Variants in TRIM24 observed in about 807,000 individuals in gnomAD.
The protein encoded by TRIM24 is transcription intermediary factor 1-alpha.
A neutral mutation model predicts 123.9 loss-of-function variants in TRIM24; 29 were observed. The ratio of observed to expected loss-of-function variants is 0.23; its 90% CI spans 0.17 to 0.32. The LOEUF is 0.32. TRIM24 is among the 10% of genes least tolerant of loss of function. The pLI, the probability that TRIM24 is intolerant of heterozygous loss-of-function variation, is 1.00. For missense variants in TRIM24, 932 were observed against 1,295.3 expected (o/e 0.72, Z 4.31); for synonymous variants, 456 against 461.1 (o/e 0.99, Z 0.14).
chr7:138,542,504 G>C (rs1051867992), intron 7 of TRIM24, among the ~76,000 whole-genome samples: 3 of 152,092 alleles, frequency 2.0e-5, no homozygotes, highest in African/African-American at 7.3e-5. Context: ...CACTATAACA[G>C]ATTATTGTTA....
At chr7:138,560,916 C>G (rs974612652) in intron 9 of TRIM24, among the ~76,000 whole-genome samples, 10 of 152,182 alleles carry the variant, frequency 6.6e-5, no homozygotes, top group Non-Finnish European at 1.0e-4. Flanking sequence ...TTTCCTTTGG[C>G]CTCTAGTGTT....
intron 10 of TRIM24, among the ~76,000 whole-genome samples, chr7:138,568,260 C>T (rs1362970517): frequency 4.0e-5 from 6 of 151,776 alleles, no homozygotes; most frequent in Non-Finnish European, 7.4e-5. Context: ...GCTGAGACTA[C>T]AGGTACTCGC....
intron 2 of TRIM24, among the ~76,000 whole-genome samples, chr7:138,504,823 C>T (rs1307687356): frequency 2.7e-5 from 4 of 147,682 alleles, no homozygotes; most frequent in South Asian, 2.2e-4. Flanking sequence ...TACAGTGGTG[C>T]GATCTTGGCT....
rs556916321 is a variant in TRIM24, at chr7:138,580,611, G to C, written c.2635G>C (p.Glu879Gln). 8 of 1,613,660 alleles carry C rather than the reference G, an allele frequency of 5.0e-6. No homozygotes were observed. In the African/African-American group the frequency reaches 1.1e-4, roughly 22 times the overall value. The change falls in exon 16 of 19, where the codon GAA becomes CAA. Residue 879 changes from glutamate to glutamine, a missense_variant. Coordinates refer to ENST00000343526, the MANE Select transcript of TRIM24 (RefSeq NM_015905.3). ...FCRDLSKPEVEYDCDAPSHNS... is the reference protein window; with the variant it reads ...FCRDLSKPEVQYDCDAPSHNS... ...CCGAGACTTATCTAAACCAGAAGTT[G>C]AATATGATTGTGATGCTCCCAGTCA...
At chr7:138,533,122 A>G (rs1295625559) in intron 6 of TRIM24, among the ~76,000 whole-genome samples, 4 of 152,188 alleles carry the variant, frequency 2.6e-5, no homozygotes, top group African/African-American at 7.2e-5. Context: ...GACTGAGACA[A>G]TGGGGTTTTC....
chr7:138,578,553 TGTGTGTGTGTGCGC>T (rs564534884), intron 14 of TRIM24, among the ~76,000 whole-genome samples: 5,382 of 141,114 alleles, frequency 0.038, 138 homozygotes, highest in Middle Eastern at 0.079. Flanking sequence ...TGTGTGTGTG[TGTGTGTGTGTGCGC>T]GCACGCACGA....
intron 2 of TRIM24, among the ~76,000 whole-genome samples, chr7:138,508,464 G>T (rs1796195878): frequency 6.6e-6 from 1 of 152,046 alleles, no homozygotes; most frequent in African/African-American, 2.4e-5. Context: ...GAAAAATAGT[G>T]ACATTTTTAT....
intron 6 of TRIM24, among the ~76,000 whole-genome samples, chr7:138,532,674 T>C (rs1297232318): frequency 1.3e-5 from 2 of 152,208 alleles, no homozygotes; most frequent in Non-Finnish European, 2.9e-5. Context: ...TCTTTTGACT[T>C]AGGATTGTCT....
At chr7:138,538,969 T>C (rs1169524987) in intron 7 of TRIM24, among the ~76,000 whole-genome samples, 166 bp downstream of exon 7, 2 of 152,216 alleles carry the variant, frequency 1.3e-5, no homozygotes, top group Non-Finnish European at 2.9e-5. Context: ...ATAATTTGGG[T>C]GTAATTTCAG....
At chr7:138,559,649 T>A (rs1399826331) in intron 9 of TRIM24, among the ~76,000 whole-genome samples, 1 of 152,114 alleles carries the variant, frequency 6.6e-6, no homozygotes, top group Non-Finnish European at 1.5e-5. Flanking sequence ...GCTGTTGACT[T>A]CACTGGCAAC....
intron 6 of TRIM24, among the ~76,000 whole-genome samples, chr7:138,531,210 C>G (rs13438568): frequency 6.9e-6 from 1 of 145,362 alleles, no homozygotes; most frequent in African/African-American, 2.6e-5. Context: ...TACATGTATA[C>G]GTGTATGTTA....
intron 2 of TRIM24, among the ~76,000 whole-genome samples, chr7:138,508,700 C>CGTGTGTGCGTGT (rs1554436661): frequency 8.7e-4 from 31 of 35,566 alleles, no homozygotes; most frequent in Middle Eastern, 0.014. Context: ...TGTGCGCGCG[C>CGTGTGTGCGTGT]GTGTGTGCGT....
At chr7:138,513,116 C>T (rs574826253) in intron 2 of TRIM24, among the ~76,000 whole-genome samples, 6 of 152,246 alleles carry the variant, frequency 3.9e-5, no homozygotes, top group Admixed American at 3.9e-4. Flanking sequence ...CAAAGGTGAC[C>T]GTTGCTCCAT....
intron 1 of TRIM24, among the ~76,000 whole-genome samples, chr7:138,481,184 G>T (rs990300296): frequency 1.3e-5 from 2 of 151,904 alleles, no homozygotes; most frequent in African/African-American, 4.8e-5. Context: ...TAGAGATGGG[G>T]TTTCTCCATG....
At chr7:138,546,900 A>G (rs981260900) in intron 7 of TRIM24, among the ~76,000 whole-genome samples, 1 of 152,248 alleles carries the variant, frequency 6.6e-6, no homozygotes, top group South Asian at 2.1e-4. Context: ...AATTACATAT[A>G]GAAGTATCAT....
intron 9 of TRIM24, chr7:138,556,521 A>G (rs958618678): frequency 6.6e-6 from 1 of 152,236 alleles, no homozygotes; most frequent in Non-Finnish European, 1.5e-5. Context: ...ACCTTAAAAG[A>G]TTATTTATTT....
At chr7:138,525,997 T>TA (rs1796600136) in intron 5 of TRIM24, among the ~76,000 whole-genome samples, 1 of 152,204 alleles carries the variant, frequency 6.6e-6, no homozygotes, top group Admixed American at 6.5e-5. Flanking sequence ...AACCCCTTTT[T>TA]AAAATCCCAT....
intron 2 of TRIM24, among the ~76,000 whole-genome samples, chr7:138,504,624 C>A (rs1245802010): frequency 1.3e-5 from 2 of 151,638 alleles, no homozygotes; most frequent in Non-Finnish European, 2.9e-5. Context: ...CCATGCCCGG[C>A]TAGTTTTTTG....
chr7:138,525,923 A>T (rs1032542031), intron 5 of TRIM24, among the ~76,000 whole-genome samples: 4 of 152,202 alleles, frequency 2.6e-5, no homozygotes, highest in African/African-American at 9.7e-5. Flanking sequence ...CCAAAGTCTT[A>T]GACATCAGTG....
Sources: gnomAD v4.1 joint callset for allele counts (sites outside exome capture counted in the v4.1 genomes callset) on GRCh38, gnomAD v4.1.1 for gene constraint, MANE v1.5 for transcripts, NCBI Gene and HGNC (gene_info 2026-07-23, HGNC 2026-07-21) for gene names.